HFM1: variants seen among roughly 807,000 people sequenced by gnomAD.
The protein encoded by HFM1 is probable ATP-dependent DNA helicase HFM1.
A neutral mutation model predicts 192.1 loss-of-function variants in HFM1; 169 were observed. That is an observed-to-expected ratio of 0.88 (90% CI 0.78 to 1.00). The LOEUF is 1.00. Ranked by LOEUF, HFM1 falls within the 50% of genes least tolerant of loss-of-function variation. HFM1 has a pLI of 0.00. For synonymous variants in HFM1, 525 were observed against 537.8 expected (o/e 0.98, Z 0.33); for missense variants, 1,661 against 1,668.0 (o/e 1.00, Z 0.07).
intron 19 of HFM1, among the ~76,000 whole-genome samples, 176 bp from the exon 20 acceptor site, chr1:91,343,686 G>A (rs1382323363): frequency 6.6e-6 from 1 of 152,078 alleles, no homozygotes; most frequent in East Asian, 1.9e-4. Context: ...TAACTAATAT[G>A]CTAAAAACAT....
At chr1:91,328,026 T>G (rs980589851) in intron 20 of HFM1, among the ~76,000 whole-genome samples, 2 of 151,678 alleles carry the variant, frequency 1.3e-5, no homozygotes, top group Non-Finnish European at 2.9e-5. Context: ...AAGAAAAATG[T>G]CAAATAAAAA....
In HFM1 at chr1:91,347,440, G is replaced by C; in HGVS notation, c.2243C>G (p.Ala748Gly). 6.3e-7 allele frequency: 1 copy of C among 1,580,064 alleles called. No homozygotes were observed. Among genetic ancestry groups the C allele is most frequent in the Non-Finnish European group, 8.6e-7 (1 of 1,159,260 alleles). The change falls in exon 19 of 39, where the codon GCA (alanine) becomes GGA (glycine). Residue 748 changes from alanine to glycine, a missense_variant. Transcript: ENST00000370425. ...ASGLNKDGIEAKLQELCLKNL... is the reference protein window; with the variant it reads ...ASGLNKDGIEGKLQELCLKNL... ...GAAATGCATCTAACCTTGTAATTTT[G>C]CTTCAATTCCATCTTTGTTCAATCC...
intron 2 of HFM1, among the ~76,000 whole-genome samples, chr1:91,398,779 A>G (rs778994611): frequency 2.5e-4 from 38 of 150,232 alleles, no homozygotes; most frequent in Non-Finnish European, 4.4e-4. Flanking sequence ...CACAACCTCC[A>G]CCTCCTGGGT....
At chr1:91,400,685 T>C (rs886557793) in intron 2 of HFM1, among the ~76,000 whole-genome samples, 1 of 152,186 alleles carries the variant, frequency 6.6e-6, no homozygotes, top group African/African-American at 2.4e-5. Context: ...GGTTTCACCA[T>C]GTTGGCTAGG....
chr1:91,404,856 CG>C, upstream of HFM1: 1 of 455,426 alleles, frequency 2.2e-6, no homozygotes, highest in Non-Finnish European at 4.4e-6. Flanking sequence ...CTCTGAGGAC[CG>C]CCAAGCCTGG....
At chr1:91,378,937 ATGTT>A (rs1347472403) in intron 9 of HFM1, 122 bp downstream of exon 9, 11 of 566,114 alleles carry the variant, frequency 1.9e-5, no homozygotes, top group African/African-American at 8.0e-5. Flanking sequence ...TATTTTTTTA[ATGTT>A]TGTTTGTTTG....
intron 15 of HFM1, 34 bp from the exon 16 acceptor site, chr1:91,352,685 A>T (rs750603848): frequency 5.3e-6 from 8 of 1,514,180 alleles, no homozygotes; most frequent in Non-Finnish European, 6.2e-6. Flanking sequence ...ATTTTGAGCC[A>T]TTTAACTTTG....
chr1:91,371,890 A>C (rs1357150087), intron 13 of HFM1, among the ~76,000 whole-genome samples: 1 of 152,224 alleles, frequency 6.6e-6, no homozygotes, highest in East Asian at 1.9e-4. Context: ...CAAATTTACA[A>C]GAAAAAAACA....
At chr1:91,380,063 C>G in intron 8 of HFM1, 41 bp downstream of exon 8, 1 of 950,840 alleles carries the variant, frequency 1.1e-6, no homozygotes, top group Non-Finnish European at 1.5e-6. Context: ...AATGGTTTTT[C>G]ATTATTATAA....
intron 15 of HFM1, among the ~76,000 whole-genome samples, 193 bp from the exon 16 acceptor site, chr1:91,352,844 A>C (rs1247242710): frequency 6.6e-6 from 1 of 151,914 alleles, no homozygotes; most frequent in African/African-American, 2.4e-5. Context: ...TTGTTTTTCA[A>C]ATTACACCAT....
At chr1:91,386,468 G>A (rs762322976) in intron 4 of HFM1, among the ~76,000 whole-genome samples, 45 of 152,126 alleles carry the variant, frequency 3.0e-4, no homozygotes, top group Non-Finnish European at 2.6e-4. Flanking sequence ...ATACCTTTAC[G>A]CATTCTCACA....
intron 8 of HFM1, among the ~76,000 whole-genome samples, chr1:91,379,523 T>C (rs1194564615): frequency 1.3e-5 from 2 of 152,120 alleles, no homozygotes; most frequent in African/African-American, 4.8e-5. Context: ...GTCGTAAGTT[T>C]ACAAATTTGT....
intron 34 of HFM1, 103 bp from the exon 35 acceptor site, chr1:91,267,958 A>C: frequency 3.0e-6 from 2 of 674,622 alleles, no homozygotes; most frequent in South Asian, 3.7e-5. Flanking sequence ...TTCTCATTTG[A>C]AGTTGTAGAA....
chr1:91,322,933 G>C lies in HFM1; in HGVS notation c.2582+17C>G, dbSNP rs888637261. On this transcript the variant is annotated intron_variant, in intron 23 of 38. Transcript: ENST00000370425. ...AACCAAAAAAAGAAAACTTTCATAA[G>C]TATGAATCATCTTTACCAATTTACT... 28 of 1,174,334 alleles carry C rather than the reference G, an allele frequency of 2.4e-5. No homozygotes were observed. Among genetic ancestry groups the C allele is most frequent in the Non-Finnish European group, 2.9e-5 (25 of 861,130 alleles). The allele number at this position is 1,174,334 out of a possible 1,614,324, so 72.7% of individuals were successfully genotyped here.
chr1:91,407,193 A>G (rs1011953204), upstream of HFM1, among the ~76,000 whole-genome samples: 10 of 151,356 alleles, frequency 6.6e-5, no homozygotes, highest in African/African-American at 2.2e-4. Flanking sequence ...AACTTCACAC[A>G]CTGGGGCCCG....
chr1:91,349,094 C>T (rs1172855611), intron 18 of HFM1, among the ~76,000 whole-genome samples: 1 of 152,016 alleles, frequency 6.6e-6, no homozygotes, highest in East Asian at 1.9e-4. Context: ...TTGAGACCAG[C>T]CTGGTCAACA....
chr1:91,378,049 A>T lies in HFM1; in HGVS notation c.1371T>A (p.Ser457=). The T allele has an allele frequency of 6.2e-7, 1 of 1,611,974 alleles. No homozygotes were observed. Among genetic ancestry groups the T allele is most frequent in the South Asian group, 1.1e-5 (1 of 90,902 alleles). The change falls in exon 11 of 39, where the codon TCT becomes TCA. Residue 457 remains serine, a synonymous_variant. Transcript: ENST00000370425. The part of the protein sequence containing the change: ...TAIPMRFVAV[S]ATIPNAEDIA... ...CATCCTCAGCATTTGGAATTGTTGC[A>T]GATACAGCTACAAATCGCATTGGAA...
intron 30 of HFM1, among the ~76,000 whole-genome samples, chr1:91,309,406 C>A (rs921329915): frequency 6.6e-6 from 1 of 152,162 alleles, no homozygotes; most frequent in African/African-American, 2.4e-5. Flanking sequence ...TTTTTGAAAG[C>A]TAGTCCTAAA....
chr1:91,354,306 G>T (rs1657414258), intron 13 of HFM1, among the ~76,000 whole-genome samples: 1 of 151,522 alleles, frequency 6.6e-6, no homozygotes, highest in Admixed American at 6.6e-5. Context: ...AAAGAGAAAA[G>T]AACAAAAAAG....
Sources: allele counts gnomAD v4.1 joint callset (sites outside exome capture counted in the v4.1 genomes callset), GRCh38; gene constraint gnomAD v4.1.1; transcripts MANE v1.5; gene names NCBI Gene and HGNC (gene_info 2026-07-23, HGNC 2026-07-21).